The following GTF2F2 variants were observed in gnomAD, a reference collection of about 807,000 sequenced individuals.
GTF2F2 encodes general transcription factor IIF subunit 2.
GTF2F2 carries 23 observed loss-of-function variants against 42.2 expected under a neutral mutation model. The observed-to-expected ratio is 0.55, with a 90% CI of 0.39 to 0.77. GTF2F2 has a LOEUF of 0.77. Among genes scored for constraint, GTF2F2 ranks in the 30% least tolerant of loss-of-function variants. GTF2F2 has a pLI of 0.00. For synonymous variants in GTF2F2, 105 were observed against 100.8 expected (o/e 1.04, Z -0.25); for missense variants, 261 against 287.2 (o/e 0.91, Z 0.66).
chr13:45,183,472 G>C (rs868617504), intron 4 of GTF2F2, among the ~76,000 whole-genome samples: 8 of 152,114 alleles, frequency 5.3e-5, no homozygotes, highest in African/African-American at 1.4e-4. Context: ...GAAGCAAGAC[G>C]GGGAAGGTAA....
intron 5 of GTF2F2, among the ~76,000 whole-genome samples, chr13:45,208,610 G>A (rs1417475382): frequency 6.6e-6 from 1 of 152,204 alleles, no homozygotes. Flanking sequence ...TGCTGAAGTA[G>A]TGGTAGTGGC....
chr13:45,163,408 C>G (rs540364041), intron 4 of GTF2F2, among the ~76,000 whole-genome samples: 1 of 151,998 alleles, frequency 6.6e-6, no homozygotes, highest in Non-Finnish European at 1.5e-5. Flanking sequence ...TGGTGGCGCA[C>G]GCTTGTAGCA....
intron 7 of GTF2F2, 50 bp from the exon 8 acceptor site, chr13:45,283,392 G>T (rs1368354876): frequency 2.0e-6 from 3 of 1,532,770 alleles, no homozygotes; most frequent in Admixed American, 2.0e-5. Flanking sequence ...TTTAAGTTTT[G>T]TCCCCTGCAT....
intron 4 of GTF2F2, among the ~76,000 whole-genome samples, chr13:45,198,108 C>T (rs1872993709): frequency 6.6e-6 from 1 of 152,192 alleles, no homozygotes; most frequent in Non-Finnish European, 1.5e-5. Context: ...TAAACTGGTC[C>T]TTAGTATGAG....
At chr13:45,138,419 A>G (rs890913079) in intron 2 of GTF2F2, among the ~76,000 whole-genome samples, 2 of 152,156 alleles carry the variant, frequency 1.3e-5, no homozygotes, top group Non-Finnish European at 2.9e-5. Flanking sequence ...CCACTGACCT[A>G]CTAGAATTGA....
At chr13:45,193,941 T>G (rs1196883598) in intron 4 of GTF2F2, 3 of 1,614,180 alleles carry the variant, frequency 1.9e-6, no homozygotes, top group Non-Finnish European at 2.5e-6. Flanking sequence ...CTTCCTTTAG[T>G]ACAAGTCGAG....
intron 2 of GTF2F2, 104 bp downstream of exon 2, chr13:45,136,910 A>G (rs1251997363): frequency 4.3e-6 from 3 of 692,172 alleles, no homozygotes; most frequent in Non-Finnish European, 7.6e-6. Flanking sequence ...TACTTGGAAA[A>G]TGACAAGTAA....
intron 5 of GTF2F2, among the ~76,000 whole-genome samples, chr13:45,221,745 G>C (rs1009473725): frequency 7.2e-5 from 11 of 152,088 alleles, no homozygotes; most frequent in Middle Eastern, 3.2e-3. Context: ...AAAATAAAAT[G>C]TACAAATCCT....
chr13:45,170,252 C>G (rs577062115), intron 4 of GTF2F2, among the ~76,000 whole-genome samples: 6 of 152,088 alleles, frequency 3.9e-5, no homozygotes, highest in Non-Finnish European at 7.4e-5. Context: ...GGTCTCAGAC[C>G]CCCCCTGCCT....
chr13:45,120,813 T>G, intron 1 of GTF2F2, 92 bp downstream of exon 1: 1 of 879,784 alleles, frequency 1.1e-6, no homozygotes, highest in Middle Eastern at 2.2e-4. Context: ...CCTCTTAAAG[T>G]TCTTTTACGG....
At chr13:45,260,739 G>T (rs560784264) in intron 6 of GTF2F2, among the ~76,000 whole-genome samples, 2 of 152,178 alleles carry the variant, frequency 1.3e-5, no homozygotes, top group African/African-American at 4.8e-5. Flanking sequence ...TCAAGAATAG[G>T]CTGGGCGTGG....
chr13:45,218,556 A>C (rs1216902072), intron 5 of GTF2F2, among the ~76,000 whole-genome samples: 1 of 152,226 alleles, frequency 6.6e-6, no homozygotes, highest in Non-Finnish European at 1.5e-5. Flanking sequence ...GCTGCAGGCC[A>C]ATGTGTCCTA....
intron 1 of GTF2F2, chr13:45,124,272 CGG>C (rs1566106399): frequency 1.2e-5 from 3 of 257,224 alleles, no homozygotes; most frequent in African/African-American, 6.7e-5. Flanking sequence ...TTAGTAGAGA[CGG>C]GGTTTCACCG....
intron 5 of GTF2F2, among the ~76,000 whole-genome samples, chr13:45,234,071 A>C (rs1874825782): frequency 6.6e-6 from 1 of 152,236 alleles, no homozygotes; most frequent in Admixed American, 6.5e-5. Flanking sequence ...GCAGATCATC[A>C]TATTAACAGC....
At chr13:45,168,819 CCTTCCT>C (rs1196048550) in intron 4 of GTF2F2, among the ~76,000 whole-genome samples, 10 of 149,486 alleles carry the variant, frequency 6.7e-5, no homozygotes, top group African/African-American at 2.5e-4. Context: ...TTCCTTCCTT[CCTTCCT>C]TCCCTCCCTC....
At chr13:45,172,186 C>T (rs1593469667) in intron 4 of GTF2F2, among the ~76,000 whole-genome samples, 1 of 152,108 alleles carries the variant, frequency 6.6e-6, no homozygotes, top group Non-Finnish European at 1.5e-5. Context: ...ATTGTCTGTC[C>T]CTTTGATTAT....
At position 45,274,965 on chromosome 13, in the gene GTF2F2, A is replaced by G. The variant is rs984215326; in HGVS notation, c.630+7589A>G. On this transcript the variant is annotated intron_variant, in intron 7 of 7. Coordinates refer to ENST00000340473, the MANE Select transcript of GTF2F2 (RefSeq NM_004128.3). ...TTTAGTATATTCATAGAGTTGTGCA[A>G]CCAACACCATAATCAATTTTAGAAC... is the stretch of plus-strand genomic sequence containing the variant. Among the ~76,000 whole-genome samples the G allele has an allele frequency of 5.9e-5, 9 of 152,174 alleles. No individual in the cohort carries two copies. The East Asian group carries it at 1.5e-3, about 26-fold the overall frequency.
At chr13:45,187,993 C>G (rs1029017950) in intron 4 of GTF2F2, among the ~76,000 whole-genome samples, 3 of 152,166 alleles carry the variant, frequency 2.0e-5, no homozygotes, top group Non-Finnish European at 4.4e-5. Flanking sequence ...GCTATAACCA[C>G]CTCCTGGGTT....
chr13:45,160,303 T>A (rs1870972300), intron 4 of GTF2F2, among the ~76,000 whole-genome samples: 2 of 152,228 alleles, frequency 1.3e-5, no homozygotes, highest in African/African-American at 2.4e-5. Context: ...CTACCTCTTA[T>A]AAATACATAG....
Sources: gnomAD v4.1 joint callset for allele counts (sites outside exome capture counted in the v4.1 genomes callset) on GRCh38, gnomAD v4.1.1 for gene constraint, MANE v1.5 for transcripts, NCBI Gene and HGNC (gene_info 2026-07-23, HGNC 2026-07-21) for gene names.